Variants in PPP2R1A observed in about 807,000 individuals in gnomAD.
PPP2R1A encodes serine/threonine-protein phosphatase 2A 65 kDa regulatory subunit A alpha isoform.
In PPP2R1A, 15 loss-of-function variants were observed where a neutral mutation model predicts 67.1. The observed-to-expected ratio is 0.22, with a 90% confidence interval of 0.15 to 0.34. The LOEUF is 0.34. Among genes scored for constraint, PPP2R1A ranks in the 10% least tolerant of loss-of-function variants. The probability of loss-of-function intolerance (pLI) is 1.00; values close to 1 mark genes in which losing one functional copy is unlikely to be tolerated. For missense variants in PPP2R1A, 369 were observed against 775.0 expected, an observed-to-expected ratio of 0.48 and a Z score of 6.22; for synonymous variants, 337 against 325.0, an observed-to-expected ratio of 1.04 and a Z score of -0.40.
In PPP2R1A at chr19:52,212,789, A is replaced by G. The variant is rs372716916; in HGVS notation, c.607A>G (p.Ser203Gly). 2 of 1,613,126 alleles carry G rather than the reference A, an allele frequency of 1.2e-6. No individual in the cohort carries two copies. Among genetic ancestry groups the G allele is most frequent in the Admixed American group, 1.7e-5 (1 of 59,822 alleles). The change falls in exon 5 of 15, where the codon AGT becomes GGT. Residue 203 changes from serine (S) to glycine (G), a missense_variant. By Grantham distance (56) the Ser-to-Gly change is moderately conservative (BLOSUM62 0). This residue lies in a region of PPP2R1A where 276 missense variants were observed against 508.4 expected (regional missense o/e 0.54). Transcript: ENST00000322088. The surrounding 1 kb of genome is among the most constrained non-coding windows in gnomAD (Gnocchi z 4.1). ...GGTGCTGGAGCTGGACAACGTCAAG[A>G]GTGAGATCATCCCCATGTTCTCCAA... is the stretch of plus-strand genomic sequence containing the variant. ...AKVLELDNVKSEIIPMFSNLA... is the reference protein window; with the variant it reads ...AKVLELDNVKGEIIPMFSNLA...
chr19:52,212,031 G>A lies in PPP2R1A; in HGVS notation c.503+539G>A, dbSNP rs1568593489. ...ACCGCCTTTGATCGAAGCAATTGCT[G>A]CTGAAAAATAAAGCCTTTCTGTGGC... On this transcript the variant is annotated intron_variant, in intron 4 of 14. Coordinates refer to ENST00000322088, the MANE Select transcript of PPP2R1A (RefSeq NM_014225.6). The surrounding 1 kb of genome is among the most constrained non-coding windows in gnomAD (Gnocchi z 4.1). 6.6e-6 allele frequency among the ~76,000 whole-genome samples: 1 copy of A among 152,214 alleles called. No individual in the cohort carries two copies. The highest frequency in any genetic ancestry group is 1.5e-5 in the Non-Finnish European group (1 of 68,042).
At position 52,226,233 on chromosome 19, in the gene PPP2R1A, G is replaced by A. The variant is rs1449248965; in HGVS notation, c.*252G>A. On this transcript the variant is annotated 3_prime_UTR_variant, in exon 15 of 15. Transcript: ENST00000322088. ...GGGAGGAAGGGGCTACTCCGCCCAC[G>A]TCAGGGAGAGATGTGAGCATCCCGG... is the stretch of plus-strand genomic sequence containing the variant. 7.0e-6 allele frequency: 4 copies of A among 569,314 alleles called. No homozygotes were observed. Among genetic ancestry groups the A allele is most frequent in the East Asian group, 2.9e-5 (1 of 34,848 alleles). 35.3% of individuals were successfully genotyped at this position (569,314 alleles called of 1,614,324 possible).
chr19:52,190,786 G>A (rs549785038), intron 1 of PPP2R1A, among the ~76,000 whole-genome samples: 1 of 152,318 alleles, frequency 6.6e-6, no homozygotes, highest in East Asian at 1.9e-4. Flanking sequence ...GTAGAAACCC[G>A]CCTCCCCATC....
chr19:52,204,256 T>C (rs2089580283), intron 2 of PPP2R1A, among the ~76,000 whole-genome samples: 2 of 152,158 alleles, frequency 1.3e-5, no homozygotes, highest in South Asian at 4.1e-4. Flanking sequence ...GTGACCACAG[T>C]ATGTGAGATC....
At chr19:52,194,581 G>A (rs1353121594) in intron 1 of PPP2R1A, among the ~76,000 whole-genome samples, 1 of 152,072 alleles carries the variant, frequency 6.6e-6, no homozygotes, top group East Asian at 1.9e-4. Flanking sequence ...ATGCAGGGGG[G>A]AAGTATGGTT....
rs1568594576 is a variant in PPP2R1A at position 52,213,464 on chromosome 19, T to TG, written c.807+354_807+355insG. Among the ~76,000 whole-genome samples, 4 of 107,680 alleles carry TG rather than the reference T, an allele frequency of 3.7e-5. No individual in the cohort carries two copies. The highest frequency in any genetic ancestry group is 7.5e-5 in the Non-Finnish European group (4 of 53,318). The allele number at this position is 107,680 out of a possible 152,430, so 70.6% of individuals were successfully genotyped here. On this transcript the variant is annotated intron_variant, in intron 6 of 14. Coordinates refer to ENST00000322088, the MANE Select transcript of PPP2R1A (RefSeq NM_014225.6). This position sits in a 1 kb window ranked among gnomAD's most constrained non-coding sequence, Gnocchi z 4.2. ...AAGGTGGGGTTTTTTGGTGTTTTTT[T>TG]TTTTTTTTTTTTTTTTTTTTTTTAA...
chr19:52,219,511 G>T lies in PPP2R1A; in HGVS notation c.1129-180G>T, dbSNP rs1184029368. On this transcript the variant is annotated intron_variant, in intron 9 of 14. Transcript: ENST00000322088. The surrounding 1 kb of genome is among the most constrained non-coding windows in gnomAD (Gnocchi z 4.0). The stretch of plus-strand genomic sequence containing the variant: ...GGTTTAAAAATCTGCTTAAGTTAGT[G>T]ATCCATGCTGCTTGCTTTTTGTGTG... 6.6e-6 allele frequency among the ~76,000 whole-genome samples: 1 copy of T among 152,234 alleles called. No homozygotes were observed. The highest frequency in any genetic ancestry group is 1.5e-5 in the Non-Finnish European group (1 of 68,054).
At chr19:52,220,038 T>C (rs1370815754) in intron 10 of PPP2R1A, 151 bp from the exon 11 acceptor site, 6 of 1,187,556 alleles carry the variant, frequency 5.1e-6, no homozygotes, top group Non-Finnish European at 7.2e-6. Context: ...TTGGATTCAA[T>C]AAGAGAGAGG....
At position 52,226,122 on chromosome 19, in the gene PPP2R1A, C is replaced by A; in HGVS notation, c.*141C>A. 7.8e-7 allele frequency: 1 copy of A among 1,275,426 alleles called. No homozygotes were observed. Among genetic ancestry groups the A allele is most frequent in the Non-Finnish European group, 1.1e-6 (1 of 900,676 alleles). The allele number at this position is 1,275,426 out of a possible 1,614,324, so 79.0% of individuals were successfully genotyped here. On this transcript the variant is annotated 3_prime_UTR_variant, in exon 15 of 15. Transcript: ENST00000322088. ...CCAGGCCCCTTCCCCCAGCACGGTT[C>A]CTCCTCTCCCCAGCCTGGGAAGATG...
chr19:52,223,758 G>A (rs75402956), intron 13 of PPP2R1A, among the ~76,000 whole-genome samples: 28 of 152,304 alleles, frequency 1.8e-4, no homozygotes, highest in African/African-American at 5.1e-4. Context: ...TCCATTGCAC[G>A]TGGGGCTGTA....
Position 52,212,488 on chromosome 19 carries a change from A to C in PPP2R1A, c.504-198A>C, listed in dbSNP as rs1185970350. 1.3e-5 allele frequency: 8 copies of C among 615,412 alleles called. No homozygotes were observed. The highest frequency in any genetic ancestry group is 1.7e-5 in the Non-Finnish European group (6 of 356,436). 38.1% of individuals were successfully genotyped at this position (615,412 alleles called of 1,614,324 possible). ...GAAGTGTCTCACACACACTATTTTC[A>C]TTTAAACCTCATGCGGACCTGTGGG... On this transcript the variant is annotated intron_variant, in intron 4 of 14. Transcript: ENST00000322088. This position sits in a 1 kb window ranked among gnomAD's most constrained non-coding sequence, Gnocchi z 4.1.
Position 52,216,449 on chromosome 19 carries a change from CTT to C in PPP2R1A, c.994-79_994-78del. 6.4e-7 allele frequency: 1 copy of C among 1,550,530 alleles called. No individual in the cohort carries two copies. The highest frequency in any genetic ancestry group is 2.1e-4 in the Middle Eastern group (1 of 4,836). On this transcript the variant is annotated intron_variant, in intron 8 of 14. Transcript: ENST00000322088. This position sits in a 1 kb window ranked among gnomAD's most constrained non-coding sequence, Gnocchi z 4.3. ...GAGGGGCAGAAGCAGGTTATTGTCT[CTT>C]AGGAGTTGGCATCTGCTTAGCCACT...
chr19:52,226,002 C>G lies in PPP2R1A; in HGVS notation c.*21C>G. ...CCTGATGCTGGAAGAGGAGCAAACA[C>G]TGGCCTCTGGTGTCCACCCTCCAAC... On this transcript the variant is annotated 3_prime_UTR_variant, in exon 15 of 15. Coordinates refer to ENST00000322088, the MANE Select transcript of PPP2R1A (RefSeq NM_014225.6). The G allele has an allele frequency of 6.2e-7, 1 of 1,614,224 alleles. No homozygotes were observed. The highest frequency in any genetic ancestry group is 1.1e-5 in the South Asian group (1 of 91,088).
At chr19:52,217,713 C>T (rs188616347) in intron 9 of PPP2R1A, among the ~76,000 whole-genome samples, 214 of 152,112 alleles carry the variant, frequency 1.4e-3, no homozygotes, top group African/African-American at 4.2e-3. Flanking sequence ...CAGTCTAGGA[C>T]GAGATTCCTC....
chr19:52,220,195 G>C lies in PPP2R1A; in HGVS notation c.1309G>C (p.Glu437Gln). 6.2e-7 allele frequency: 1 copy of C among 1,614,082 alleles called. No individual in the cohort carries two copies. The highest frequency in any genetic ancestry group is 8.5e-7 in the Non-Finnish European group (1 of 1,179,960). The change falls in exon 11 of 15, where the codon GAG (glutamate) becomes CAG (glutamine). Residue 437 changes from glutamate (E) to glutamine (Q), a missense_variant. Around this residue, in one of 2 missense-constraint regions of PPP2R1A, gnomAD observed 276 missense variants for 508.4 expected, o/e 0.54. Transcript: ENST00000322088. The stretch of plus-strand genomic sequence containing the variant: ...CCCTTGGTTTCTCCTGTAGGGAGTG[G>C]AGTTCTTTGATGAGAAACTTAACTC... ...MPLLAGQLGV[E>Q]FFDEKLNSLC...
At chr19:52,208,630 G>A (rs548115158) in intron 3 of PPP2R1A, among the ~76,000 whole-genome samples, 1 of 152,248 alleles carries the variant, frequency 6.6e-6, no homozygotes, top group South Asian at 2.1e-4. Flanking sequence ...CTCCCAAGTA[G>A]CTGGGATTAC....
In PPP2R1A at chr19:52,212,846, T is replaced by C. The variant is rs779978886; in HGVS notation, c.651+13T>C. On this transcript the variant is annotated intron_variant, in intron 5 of 14. Transcript: ENST00000322088. This position sits in a 1 kb window ranked among gnomAD's most constrained non-coding sequence, Gnocchi z 4.1. ...CTCTGACGAGCAGGTGAGTTTTGCTTCCTGGCCCTCTGCTCTCCCGTCCTT... is the reference window on the plus strand; with the variant it reads ...CTCTGACGAGCAGGTGAGTTTTGCTCCCTGGCCCTCTGCTCTCCCGTCCTT... 6.3e-7 allele frequency: 1 copy of C among 1,588,808 alleles called. No homozygotes were observed. The highest frequency in any genetic ancestry group is 1.1e-5 in the South Asian group (1 of 87,468).
chr19:52,222,301 T>C lies in PPP2R1A; in HGVS notation c.1661+60T>C, dbSNP rs780339101. 4.4e-5 allele frequency: 69 copies of C among 1,564,426 alleles called. 1 individual carries two copies. The highest frequency in any genetic ancestry group is 5.6e-5 in the Non-Finnish European group (64 of 1,153,052). On this transcript the variant is annotated intron_variant, in intron 13 of 14. Coordinates refer to ENST00000322088, the MANE Select transcript of PPP2R1A (RefSeq NM_014225.6). ...GGCTTCTTGTGGGCACCTTAATCTT[T>C]GACCTTTGAAGGTAGAGCCCAGGGT...
intron 9 of PPP2R1A, among the ~76,000 whole-genome samples, chr19:52,217,863 A>G (rs547105005): frequency 6.6e-6 from 1 of 152,100 alleles, no homozygotes; most frequent in South Asian, 2.1e-4. Flanking sequence ...CCACTGGGGA[A>G]GGAGTTTGGA....
Sources: allele counts gnomAD v4.1 joint callset (sites outside exome capture counted in the v4.1 genomes callset), GRCh38; gene constraint gnomAD v4.1.1; regional missense constraint gnomAD v4.1.1; non-coding constraint Gnocchi (gnomAD v3.1); transcripts MANE v1.5; gene names NCBI Gene and HGNC (gene_info 2026-07-23, HGNC 2026-07-21).